Variants in GALNT14 observed in about 807,000 individuals in gnomAD.
The protein encoded by GALNT14 is polypeptide N-acetylgalactosaminyltransferase 14.
In GALNT14, 60 loss-of-function variants were observed where a neutral mutation model predicts 77.5. That is an observed-to-expected ratio of 0.77 (90% CI 0.63 to 0.96). GALNT14 has a LOEUF of 0.96. Ranked by LOEUF, GALNT14 falls within the 40% of genes least tolerant of loss-of-function variation. The pLI is 0.00. For synonymous variants in GALNT14, 280 were observed against 281.7 expected, an observed-to-expected ratio of 0.99 and a Z score of 0.06; for missense variants, 710 against 731.0, an observed-to-expected ratio of 0.97 and a Z score of 0.33.
At chr2:30,971,060 C>G (rs1023872488) in intron 2 of GALNT14, among the ~76,000 whole-genome samples, 1 of 152,116 alleles carries the variant, frequency 6.6e-6, no homozygotes. Context: ...GCCCTACACA[C>G]GAGTCATCTG....
intron 1 of GALNT14, among the ~76,000 whole-genome samples, chr2:31,027,932 G>A (rs1296564221): frequency 6.7e-6 from 1 of 150,136 alleles, no homozygotes; most frequent in Non-Finnish European, 1.5e-5. Flanking sequence ...GCATGCATGC[G>A]CACATGCTTG....
chr2:31,076,220 A>G (rs982463598), intron 1 of GALNT14, among the ~76,000 whole-genome samples: 2 of 152,200 alleles, frequency 1.3e-5, no homozygotes, highest in East Asian at 3.8e-4. Flanking sequence ...AGTACCCACC[A>G]TGCACCACAC....
At chr2:30,949,299 T>C (rs1666886305) in intron 6 of GALNT14, among the ~76,000 whole-genome samples, 2 of 152,246 alleles carry the variant, frequency 1.3e-5, no homozygotes, top group Admixed American at 1.3e-4. Context: ...AAGGACATTG[T>C]GTCAGTGCTG....
chr2:31,084,129 C>T (rs374642114), intron 1 of GALNT14, among the ~76,000 whole-genome samples: 5 of 152,294 alleles, frequency 3.3e-5, no homozygotes, highest in East Asian at 3.9e-4. Context: ...GAACAAGCAT[C>T]GGGACTGGCC....
chr2:30,944,035 C>A (rs1303691892), intron 8 of GALNT14, among the ~76,000 whole-genome samples: 2 of 152,230 alleles, frequency 1.3e-5, no homozygotes, highest in African/African-American at 4.8e-5. Context: ...CATCCCTAAT[C>A]TGGACTGAGA....
intron 1 of GALNT14, among the ~76,000 whole-genome samples, chr2:31,122,900 G>A (rs1402281476): frequency 1.3e-5 from 2 of 152,146 alleles, no homozygotes; most frequent in African/African-American, 4.8e-5. Context: ...AACTTTATTG[G>A]GCCGGGTGCT....
intron 1 of GALNT14, among the ~76,000 whole-genome samples, chr2:31,053,689 T>G (rs1369386605): frequency 6.6e-6 from 1 of 152,156 alleles, no homozygotes; most frequent in Non-Finnish European, 1.5e-5. Flanking sequence ...CATTACTAGA[T>G]TCTCCTATTG....
intron 8 of GALNT14, among the ~76,000 whole-genome samples, chr2:30,942,918 C>T (rs1316458211): frequency 6.6e-6 from 1 of 152,076 alleles, no homozygotes; most frequent in Non-Finnish European, 1.5e-5. Flanking sequence ...CAGAGGTAAT[C>T]AAGTTAAAAT....
At chr2:31,065,304 A>G (rs1010832543) in intron 1 of GALNT14, 2 of 152,080 alleles carry the variant, frequency 1.3e-5, no homozygotes, top group African/African-American at 2.4e-5. Flanking sequence ...GAGGGCTGAG[A>G]TGATGGTGGA....
chr2:30,968,348 G>T (rs943683324), intron 2 of GALNT14, among the ~76,000 whole-genome samples: 1 of 152,214 alleles, frequency 6.6e-6, no homozygotes, highest in Non-Finnish European at 1.5e-5. Flanking sequence ...ATGTCCTTGT[G>T]TAGCCCCTCC....
At chr2:31,049,379 C>T (rs766141504) in intron 1 of GALNT14, among the ~76,000 whole-genome samples, 4 of 152,218 alleles carry the variant, frequency 2.6e-5, no homozygotes, top group Admixed American at 6.5e-5. Flanking sequence ...GTCCAGTGTT[C>T]AGGGCTCCTG....
intron 1 of GALNT14, among the ~76,000 whole-genome samples, chr2:31,071,397 G>A (rs754142185): frequency 6.6e-6 from 1 of 152,196 alleles, no homozygotes; most frequent in African/African-American, 2.4e-5. Flanking sequence ...GGATAATGGA[G>A]AGCCAGTGAC....
At chr2:30,890,023 T>C in the GALNT14 span, among the ~76,000 whole-genome samples, 1 of 151,778 alleles carries the variant, frequency 6.6e-6, no homozygotes, top group African/African-American at 2.4e-5. Flanking sequence ...AAAAGAGGGG[T>C]GTAGAAGAAA....
the GALNT14 span, among the ~76,000 whole-genome samples, chr2:30,887,038 G>A: frequency 6.6e-6 from 1 of 152,174 alleles, no homozygotes; most frequent in African/African-American, 2.4e-5. Flanking sequence ...CATCCACATC[G>A]TAGCATGTAT....
intron 2 of GALNT14, among the ~76,000 whole-genome samples, chr2:30,988,726 C>T (rs1260957231): frequency 1.3e-5 from 2 of 152,112 alleles, no homozygotes; most frequent in African/African-American, 4.8e-5. Context: ...AAACTTGAGC[C>T]GGCATCAGAA....
the GALNT14 span, among the ~76,000 whole-genome samples, chr2:30,896,808 C>A: frequency 6.6e-6 from 1 of 152,062 alleles, no homozygotes; most frequent in Non-Finnish European, 1.5e-5. Flanking sequence ...CCCCCTCCCT[C>A]TTCTCCTCTG....
intron 7 of GALNT14, among the ~76,000 whole-genome samples, chr2:30,945,326 T>C (rs2148289183): frequency 6.6e-6 from 1 of 152,240 alleles, no homozygotes; most frequent in Non-Finnish European, 1.5e-5. Context: ...ACTACCTGAG[T>C]CACCTAAAAG....
chr2:30,905,307 C>T, the GALNT14 span, among the ~76,000 whole-genome samples: 1 of 151,744 alleles, frequency 6.6e-6, no homozygotes, highest in Non-Finnish European at 1.5e-5. Context: ...AAGTGGAAAA[C>T]TTTGAAAAAA....
At chr2:30,913,805 G>A (rs1664513532) in intron 13 of GALNT14, among the ~76,000 whole-genome samples, 1 of 152,208 alleles carries the variant, frequency 6.6e-6, no homozygotes, top group Admixed American at 6.5e-5. Flanking sequence ...GATGAAACAA[G>A]ACTGTCCTTG....
Sources: gnomAD v4.1 joint callset for allele counts (sites outside exome capture counted in the v4.1 genomes callset) on GRCh38, gnomAD v4.1.1 for gene constraint, MANE v1.5 for transcripts, NCBI Gene and HGNC (gene_info 2026-07-23, HGNC 2026-07-21) for gene names.